Variants in XKR4 observed in about 807,000 individuals in gnomAD.
XKR4 encodes XK-related protein 4.
A neutral mutation model predicts 53.9 loss-of-function variants in XKR4; 12 were observed. The observed-to-expected ratio is 0.22, with a 90% CI of 0.14 to 0.36. The LOEUF (loss-of-function observed/expected upper bound fraction) is 0.36. XKR4 is among the 10% of genes least tolerant of loss of function. The pLI, the probability that XKR4 is intolerant of heterozygous loss-of-function variation, is 1.00. For missense variants in XKR4, 799 were observed against 859.5 expected, an observed-to-expected ratio of 0.93 and a Z score of 0.88; for synonymous variants, 354 against 362.4, an observed-to-expected ratio of 0.98 and a Z score of 0.26.
Position 55,102,502 on chromosome 8 carries a change from C to T in XKR4, c.14C>T (p.Ser5Leu). 6.5e-7 allele frequency: 1 copy of T among 1,548,678 alleles called. No individual in the cohort carries two copies. The highest frequency in any genetic ancestry group is 8.8e-7 in the Non-Finnish European group (1 of 1,142,608). Residue 5 changes from serine to leucine, a missense_variant, in exon 1 of 3, where the codon TCA becomes TTA. This residue lies in a region of XKR4 where 476 missense variants were observed against 505.4 expected (regional missense o/e 0.94). Transcript: ENST00000327381. The surrounding 1 kb of genome is among the most constrained non-coding windows in gnomAD (Gnocchi z 5.1). MAAK[S>L]DGRLKMKKSS... ...TGTGGAGGCATCATGGCCGCTAAAT[C>T]AGACGGGAGGCTGAAAATGAAGAAA... is the stretch of plus-strand genomic sequence containing the variant.
At chr8:55,316,321 G>A (rs556668122) in intron 1 of XKR4, among the ~76,000 whole-genome samples, 15 of 152,234 alleles carry the variant, frequency 9.9e-5, no homozygotes, top group African/African-American at 2.6e-4. Context: ...AGTCACATCC[G>A]ATCTCCAGCC....
chr8:55,136,958 C>T (rs1223812035), intron 1 of XKR4, among the ~76,000 whole-genome samples: 1 of 152,164 alleles, frequency 6.6e-6, no homozygotes, highest in African/African-American at 2.4e-5. Flanking sequence ...GAGCTAATTA[C>T]AATATAGCAT....
At chr8:55,429,405 A>G (rs1310918152) in intron 2 of XKR4, among the ~76,000 whole-genome samples, 1 of 152,160 alleles carries the variant, frequency 6.6e-6, no homozygotes, top group Non-Finnish European at 1.5e-5. Flanking sequence ...TTGATAACAA[A>G]AAAAAAAGAA....
At chr8:55,189,537 A>G (rs1817417662) in intron 1 of XKR4, among the ~76,000 whole-genome samples, 1 of 152,188 alleles carries the variant, frequency 6.6e-6, no homozygotes, top group African/African-American at 2.4e-5. Context: ...GTGTTATTGT[A>G]CTGAATACTG....
At chr8:55,224,827 T>G (rs1392505050) in intron 1 of XKR4, among the ~76,000 whole-genome samples, 1 of 152,204 alleles carries the variant, frequency 6.6e-6, no homozygotes, top group Non-Finnish European at 1.5e-5. Flanking sequence ...ATTATCTAAA[T>G]GTTGCTTTAT....
intron 1 of XKR4, among the ~76,000 whole-genome samples, chr8:55,149,111 AT>A (rs1335170278): frequency 6.6e-6 from 1 of 152,058 alleles, no homozygotes; most frequent in East Asian, 1.9e-4. Context: ...TAATGAATGT[AT>A]TTGGATAACG....
chr8:55,186,767 A>G (rs1817384455), intron 1 of XKR4, among the ~76,000 whole-genome samples: 1 of 152,174 alleles, frequency 6.6e-6, no homozygotes. Context: ...CCACACTCAG[A>G]TGTGCTTAAT....
rs375744496 is a variant in XKR4, at chr8:55,233,107, T to G, written c.807-124571T>G. On this transcript the variant is annotated intron_variant, in intron 1 of 2. Coordinates refer to ENST00000327381, the MANE Select transcript of XKR4 (RefSeq NM_052898.2). ...CACTCTGTGTTTTGATCCAGGCAAC[T>G]GATTGTAAATTAAAGTCACTCAATT... Among the ~76,000 whole-genome samples, 90 of 152,326 alleles carry G rather than the reference T, an allele frequency of 5.9e-4. 2 individuals are homozygous for G. The highest frequency in any genetic ancestry group is 6.8e-3 in the Middle Eastern group (2 of 294).
At chr8:55,514,611 T>C (rs1039835457) in intron 2 of XKR4, among the ~76,000 whole-genome samples, 50 of 152,334 alleles carry the variant, frequency 3.3e-4, no homozygotes, top group Non-Finnish European at 4.3e-4. Context: ...CTTGTCTTCC[T>C]GTCTCCATCC....
chr8:55,321,938 G>A (rs1412901193), intron 1 of XKR4, among the ~76,000 whole-genome samples: 1 of 152,148 alleles, frequency 6.6e-6, no homozygotes, highest in Non-Finnish European at 1.5e-5. Flanking sequence ...GCAGCGAGCC[G>A]AGATCATGCC....
intron 1 of XKR4, among the ~76,000 whole-genome samples, chr8:55,207,855 C>T (rs1419662225): frequency 6.6e-6 from 1 of 152,102 alleles, no homozygotes; most frequent in Non-Finnish European, 1.5e-5. Flanking sequence ...GGTGTCTAGA[C>T]CTCACCTCCA....
At chr8:55,513,185 T>C (rs1374023792) in intron 2 of XKR4, among the ~76,000 whole-genome samples, 1 of 152,194 alleles carries the variant, frequency 6.6e-6, no homozygotes, top group Non-Finnish European at 1.5e-5. Flanking sequence ...TAGTTCTCCT[T>C]AGAATTCACA....
In XKR4 at chr8:55,345,804, G is replaced by A. The variant is rs376268729; in HGVS notation, c.807-11874G>A. The stretch of plus-strand genomic sequence containing the variant: ...AGACAATGACAATGAAGAGTGGAGT[G>A]TGGGTCACAGCCTGCTCTGGTACTC... On this transcript the variant is annotated intron_variant, in intron 1 of 2. Coordinates refer to ENST00000327381, the MANE Select transcript of XKR4 (RefSeq NM_052898.2). 4.6e-5 allele frequency among the ~76,000 whole-genome samples: 7 copies of A among 152,140 alleles called. No individual in the cohort carries two copies. In the East Asian group the frequency reaches 1.2e-3, roughly 25 times the overall value.
intron 1 of XKR4, among the ~76,000 whole-genome samples, chr8:55,187,434 T>TG (rs1252553339): frequency 6.6e-6 from 1 of 152,174 alleles, no homozygotes; most frequent in Non-Finnish European, 1.5e-5. Context: ...GTAATGAATT[T>TG]GGAAATTCTT....
intron 2 of XKR4, among the ~76,000 whole-genome samples, chr8:55,411,364 G>A (rs182239767): frequency 6.6e-6 from 1 of 152,260 alleles, no homozygotes; most frequent in Admixed American, 6.5e-5. Context: ...ACAGAGCCTG[G>A]CACATTTACG....
chr8:55,244,910 T>G (rs933510569), intron 1 of XKR4, among the ~76,000 whole-genome samples: 1 of 150,240 alleles, frequency 6.7e-6, no homozygotes, highest in Non-Finnish European at 1.5e-5. Flanking sequence ...TTTTTTTTTT[T>G]TTTTTTTTGA....
At chr8:55,415,869 C>A (rs745931966) in intron 2 of XKR4, among the ~76,000 whole-genome samples, 1 of 152,202 alleles carries the variant, frequency 6.6e-6, no homozygotes. Context: ...CAGTCTTCTA[C>A]TGCGGTGCCT....
At chr8:55,457,942 T>C (rs1391592711) in intron 2 of XKR4, among the ~76,000 whole-genome samples, 1 of 148,254 alleles carries the variant, frequency 6.7e-6, no homozygotes, top group Non-Finnish European at 1.5e-5. Context: ...GAGGTAGAAC[T>C]ACACACAAAA....
At chr8:55,252,476 G>C (rs567007712) in intron 1 of XKR4, among the ~76,000 whole-genome samples, 1 of 152,184 alleles carries the variant, frequency 6.6e-6, no homozygotes. Flanking sequence ...CTGAATACAC[G>C]GGTAGCTGGC....
Sources: allele counts gnomAD v4.1 joint callset (sites outside exome capture counted in the v4.1 genomes callset), GRCh38; gene constraint gnomAD v4.1.1; regional missense constraint gnomAD v4.1.1; non-coding constraint Gnocchi (gnomAD v3.1); transcripts MANE v1.5; gene names NCBI Gene and HGNC (gene_info 2026-07-23, HGNC 2026-07-21).